Variants in STMN3 observed in about 807,000 individuals in gnomAD.
STMN3 encodes the protein stathmin 3.
STMN3 carries 24 observed loss-of-function variants against 23.2 expected under a neutral mutation model. The observed-to-expected ratio is 1.03, with a 90% CI of 0.75 to 1.45. The LOEUF is 1.45. Among genes scored for constraint, STMN3 ranks in the 40% most tolerant of loss-of-function variants. The pLI is 0.00. For missense variants in STMN3, 235 were observed against 237.6 expected (o/e 0.99, Z 0.07); for synonymous variants, 117 against 103.4 (o/e 1.13, Z -0.80).
intron 1 of STMN3, among the ~76,000 whole-genome samples, chr20:63,646,192 C>T (rs1031759049): frequency 2.0e-5 from 3 of 151,928 alleles, no homozygotes; most frequent in Non-Finnish European, 2.9e-5. Flanking sequence ...AGAAAGGAAT[C>T]CCAGGGTGGG....
chr20:63,653,283 C>T, intron 1 of STMN3, 44 bp downstream of exon 1: 1 of 1,543,702 alleles, frequency 6.5e-7, no homozygotes, highest in Non-Finnish European at 8.7e-7. Context: ...GAGGCCTCTG[C>T]TCAGATCCCG....
chr20:63,652,525 C>T lies in STMN3; in HGVS notation c.19+802G>A, dbSNP rs1047882886. 3 of 971,618 alleles carry T rather than the reference C, an allele frequency of 3.1e-6. No homozygotes were observed. Among genetic ancestry groups the T allele is most frequent in the Non-Finnish European group, 3.7e-6 (3 of 817,534 alleles). The allele number at this position is 971,618 out of a possible 1,614,324, so 60.2% of individuals were successfully genotyped here. On this transcript the variant is annotated intron_variant, in intron 1 of 4. Transcript: ENST00000370053. The surrounding 1 kb of genome is among the most constrained non-coding windows in gnomAD (Gnocchi z 5.3). ...CCGCCCGGGCCTGCGCCCGCCCCTC[C>T]GCCTGAGCTCCGCGCGGGACGGGCC...
intron 1 of STMN3, among the ~76,000 whole-genome samples, chr20:63,650,433 C>T (rs1392303353): frequency 6.6e-6 from 1 of 150,796 alleles, no homozygotes; most frequent in Non-Finnish European, 1.5e-5. Flanking sequence ...ACACCTCACG[C>T]CCACCCCTCC....
At position 63,642,302 on chromosome 20, in the gene STMN3, G is replaced by T; in HGVS notation, c.292-3C>A. The T allele has an allele frequency of 6.7e-7, 1 of 1,496,006 alleles. No individual in the cohort carries two copies. Among genetic ancestry groups the T allele is most frequent in the Non-Finnish European group, 8.9e-7 (1 of 1,121,782 alleles). 92.7% of individuals were successfully genotyped at this position (1,496,006 alleles called of 1,614,324 possible). A position where few individuals can be genotyped will look rare whatever the true frequency, so the allele number is the denominator to read the frequency against. ...TTCAGCACCTGCGCCTCCTGCGTCT[G>T]TGCGGGGCCGGCGGGCGCGCGTGAG... On this transcript the variant is annotated splice_polypyrimidine_tract_variant and splice_region_variant and intron_variant, in intron 3 of 4. Transcript: ENST00000370053.
intron 3 of STMN3, among the ~76,000 whole-genome samples, chr20:63,643,132 C>T (rs559654712): frequency 1.1e-3 from 171 of 152,164 alleles, no homozygotes; most frequent in African/African-American, 3.8e-3. Flanking sequence ...GAGGGATGCC[C>T]CACCCGACGT....
chr20:63,641,954 CGAG>C (rs2089769407), intron 4 of STMN3, among the ~76,000 whole-genome samples, 151 bp downstream of exon 4: 5 of 132,418 alleles, frequency 3.8e-5, no homozygotes, highest in Non-Finnish European at 6.6e-5. Context: ...CTGCCCGCTC[CGAG>C]CTCCGCCCTG....
rs758526098 is a variant in STMN3 at position 63,644,236 on chromosome 20, G to C, written c.93C>G (p.Pro31=). ...CACCCCCGTACTGGTAGACGGTATT[G>C]GGGTGCGGCTGTGTGTAGAAGCAGG... ...ICSCFYTQPH[P]NTVYQYGDME... The change falls in exon 2 of 5, where the codon CCC becomes CCG. Residue 31 remains proline (P), a synonymous_variant. Transcript: ENST00000370053. The C allele has an allele frequency of 6.8e-6, 11 of 1,613,738 alleles. No homozygotes were observed. The highest frequency in any genetic ancestry group is 1.3e-5 in the African/African-American group (1 of 75,046).
In STMN3 at chr20:63,644,144, C is replaced by T. The variant is rs1236773253; in HGVS notation, c.115+70G>A. 5 of 1,474,192 alleles carry T rather than the reference C, an allele frequency of 3.4e-6. No homozygotes were observed. The East Asian group carries it at 9.2e-5, about 27-fold the overall frequency. 91.3% of individuals were successfully genotyped at this position (1,474,192 alleles called of 1,614,324 possible). ...CCAGGACGGGAGTTCAGAGAGACTG[C>T]CGGAGGCCGGGGGAAAAGGTGAGGT... On this transcript the variant is annotated intron_variant, in intron 2 of 4. Coordinates refer to ENST00000370053, the MANE Select transcript of STMN3 (RefSeq NM_015894.4).
At chr20:63,648,155 T>G (rs996934945) in intron 1 of STMN3, among the ~76,000 whole-genome samples, 1 of 150,826 alleles carries the variant, frequency 6.6e-6, no homozygotes, top group Non-Finnish European at 1.5e-5. Context: ...CAAGAGGATG[T>G]GATGAGGGAG....
chr20:63,641,716 G>C (rs2089763815), intron 4 of STMN3, among the ~76,000 whole-genome samples: 1 of 152,168 alleles, frequency 6.6e-6, no homozygotes, highest in Non-Finnish European at 1.5e-5. Flanking sequence ...GCCAGGACCA[G>C]ACTCTGGACC....
At chr20:63,648,783 A>G (rs1183711982) in intron 1 of STMN3, among the ~76,000 whole-genome samples, 1 of 152,080 alleles carries the variant, frequency 6.6e-6, no homozygotes, top group Non-Finnish European at 1.5e-5. Flanking sequence ...AGAAAATGTG[A>G]TTAACAGCTG....
chr20:63,652,448 G>T lies in STMN3; in HGVS notation c.19+879C>A. 2.0e-6 allele frequency: 1 copy of T among 508,892 alleles called. No homozygotes were observed. Among genetic ancestry groups the T allele is most frequent in the Non-Finnish European group, 2.5e-6 (1 of 393,922 alleles). 31.5% of individuals were successfully genotyped at this position (508,892 alleles called of 1,614,324 possible). On this transcript the variant is annotated intron_variant, in intron 1 of 4. Coordinates refer to ENST00000370053, the MANE Select transcript of STMN3 (RefSeq NM_015894.4). This position sits in a 1 kb window ranked among gnomAD's most constrained non-coding sequence, Gnocchi z 5.3. ...GCGTTTCGGGAAGGGCGGGCCCAGC[G>T]TCCTCGCGCCCGAGGTCGCCCGGCA...
At chr20:63,647,714 GTATATATATTATATACATATATA>G (rs1569069862) in intron 1 of STMN3, among the ~76,000 whole-genome samples, 1 of 109,054 alleles carries the variant, frequency 9.2e-6, no homozygotes, top group Admixed American at 9.7e-5. Flanking sequence ...ATATACACGT[GTATATATATTATATACATATATA>G]TACACGTGTA....
Position 63,652,532 on chromosome 20 carries a change from G to C in STMN3, c.19+795C>G, listed in dbSNP as rs887986130. The C allele has an allele frequency of 2.0e-6, 2 of 976,536 alleles. No homozygotes were observed. The highest frequency in any genetic ancestry group is 4.7e-5 in the South Asian group (1 of 21,134). 60.5% of individuals were successfully genotyped at this position (976,536 alleles called of 1,614,324 possible). ...GGCCTGCGCCCGCCCCTCCGCCTGA[G>C]CTCCGCGCGGGACGGGCCGGGAGGC... On this transcript the variant is annotated intron_variant, in intron 1 of 4. Coordinates refer to ENST00000370053, the MANE Select transcript of STMN3 (RefSeq NM_015894.4). This position sits in a 1 kb window ranked among gnomAD's most constrained non-coding sequence, Gnocchi z 5.3.
chr20:63,644,073 C>T (rs2089789912), intron 2 of STMN3, 141 bp downstream of exon 2: 1 of 1,360,040 alleles, frequency 7.4e-7, no homozygotes, highest in South Asian at 1.3e-5. Context: ...GGCTTCAGCC[C>T]CCAGGATGGG....
At chr20:63,643,054 C>T (rs1404358204) in intron 3 of STMN3, among the ~76,000 whole-genome samples, 3 of 152,154 alleles carry the variant, frequency 2.0e-5, no homozygotes, top group Non-Finnish European at 4.4e-5. Context: ...TCCCAGGGCC[C>T]CTCCGCCCTC....
At chr20:63,653,268 CAG>C (rs2089875121) in intron 1 of STMN3, 57 bp downstream of exon 1, 1 of 1,532,618 alleles carries the variant, frequency 6.5e-7, no homozygotes, top group Non-Finnish European at 8.8e-7. Context: ...CAGGCGAGGC[CAG>C]ACGAGGCCTC....
At chr20:63,645,476 A>G (rs116135301) in intron 1 of STMN3, among the ~76,000 whole-genome samples, 1,572 of 152,294 alleles carry the variant, frequency 0.01, 20 homozygotes, top group African/African-American at 0.036. Flanking sequence ...AGTGCCCACC[A>G]GCCAGTGTCC....
intron 1 of STMN3, among the ~76,000 whole-genome samples, chr20:63,651,671 T>C (rs1335275024): frequency 6.6e-6 from 1 of 152,152 alleles, no homozygotes; most frequent in Non-Finnish European, 1.5e-5. Flanking sequence ...TTTCCTGAAA[T>C]ATTGAGGCCT....
Sources: allele counts gnomAD v4.1 joint callset (sites outside exome capture counted in the v4.1 genomes callset), GRCh38; gene constraint gnomAD v4.1.1; non-coding constraint Gnocchi (gnomAD v3.1); transcripts MANE v1.5; gene names NCBI Gene and HGNC (gene_info 2026-07-23, HGNC 2026-07-21).